The following CDH18 variants were observed in gnomAD, a reference collection of about 807,000 sequenced individuals.
The protein encoded by CDH18 is cadherin-18.
In CDH18, 31 loss-of-function variants were observed where a neutral mutation model predicts 67.9. The ratio of observed to expected loss-of-function variants is 0.46; its 90% CI spans 0.34 to 0.62. The LOEUF is 0.62. Ranked by LOEUF, CDH18 falls within the 20% of genes least tolerant of loss-of-function variation. CDH18 has a pLI of 0.01. For synonymous variants in CDH18, 362 were observed against 347.2 expected (o/e 1.04, Z -0.48); for missense variants, 890 against 975.5 (o/e 0.91, Z 1.17).
intron 4 of CDH18, among the ~76,000 whole-genome samples, chr5:19,730,768 TA>T (rs70950092): frequency 6.8e-5 from 10 of 147,044 alleles, no homozygotes; most frequent in African/African-American, 1.7e-4. Context: ...TATTAAATGG[TA>T]AAAAAAAAAA....
At chr5:20,424,647 G>A (rs1216607743) in intron 1 of CDH18, among the ~76,000 whole-genome samples, 1 of 145,960 alleles carries the variant, frequency 6.9e-6, no homozygotes, top group Non-Finnish European at 1.5e-5. Flanking sequence ...TATCCAGGAG[G>A]CTGAAGCAAG....
At chr5:20,213,879 A>C (rs1113767) in intron 2 of CDH18, among the ~76,000 whole-genome samples, 105,738 of 151,912 alleles carry the variant, frequency 0.7, 37,441 homozygotes, top group African/African-American at 0.84. Context: ...TCTCAGTCTC[A>C]TTTAGTTTAG....
chr5:19,593,721 T>C lies in CDH18; in HGVS notation c.812-2477A>G, dbSNP rs1297010460. On this transcript the variant is annotated intron_variant, in intron 6 of 12. Coordinates refer to ENST00000382275, the MANE Select transcript of CDH18 (RefSeq NM_004934.5). ...TTCCTCCTCCTCCTTCTTCTTCTTC[T>C]TCTTCTTCTTCTTCTTCTTCTTCTT... Among the ~76,000 whole-genome samples the C allele has an allele frequency of 1.1e-4, 12 of 111,964 alleles. 1 individual carries two copies. The highest frequency in any genetic ancestry group is 2.5e-4 in the African/African-American group (6 of 24,062). The allele number at this position is 111,964 out of a possible 152,430, so 73.5% of individuals were successfully genotyped here.
chr5:20,156,047 T>TG (rs1291290303), intron 2 of CDH18, among the ~76,000 whole-genome samples: 1 of 152,042 alleles, frequency 6.6e-6, no homozygotes, highest in African/African-American at 2.4e-5. Context: ...ACCTCACCCC[T>TG]GTCAGAATGG....
chr5:19,850,431 T>C (rs1378099280), intron 2 of CDH18, among the ~76,000 whole-genome samples: 2 of 151,908 alleles, frequency 1.3e-5, no homozygotes, highest in Non-Finnish European at 2.9e-5. Context: ...TTCTACCACA[T>C]TATCATTATC....
chr5:19,681,100 T>A (rs1205657840), intron 5 of CDH18, among the ~76,000 whole-genome samples: 1 of 151,994 alleles, frequency 6.6e-6, no homozygotes, highest in Non-Finnish European at 1.5e-5. Flanking sequence ...AACAAGATCA[T>A]GTTCTTTGCA....
At chr5:20,459,261 G>A (rs1751073041) in intron 1 of CDH18, among the ~76,000 whole-genome samples, 2 of 152,086 alleles carry the variant, frequency 1.3e-5, no homozygotes, top group South Asian at 4.1e-4. Context: ...CTATACCACA[G>A]GTTTTTCAGT....
intron 1 of CDH18, among the ~76,000 whole-genome samples, chr5:20,283,085 AC>A (rs1415093996): frequency 6.6e-6 from 1 of 151,898 alleles, no homozygotes; most frequent in African/African-American, 2.4e-5. Context: ...GTCAAACTAG[AC>A]CCCTGCTTCT....
chr5:19,985,033 T>A (rs910974391), intron 1 of CDH18, among the ~76,000 whole-genome samples: 1 of 152,276 alleles, frequency 6.6e-6, no homozygotes, highest in African/African-American at 2.4e-5. Flanking sequence ...TTTATTTATT[T>A]ATTATTTATA....
At chr5:20,499,680 C>T (rs1581113203) in intron 1 of CDH18, among the ~76,000 whole-genome samples, 1 of 152,098 alleles carries the variant, frequency 6.6e-6, no homozygotes, top group African/African-American at 2.4e-5. Flanking sequence ...CTTAGCTTTG[C>T]CTTATCAACA....
chr5:19,620,694 CT>C (rs201094800), intron 5 of CDH18, among the ~76,000 whole-genome samples: 3 of 151,784 alleles, frequency 2.0e-5, no homozygotes, highest in Admixed American at 2.0e-4. Flanking sequence ...ACTTAGAATG[CT>C]TTTTTTTATT....
intron 1 of CDH18, among the ~76,000 whole-genome samples, chr5:20,521,371 GA>G (rs1393037273): frequency 2.0e-5 from 3 of 152,156 alleles, no homozygotes; most frequent in African/African-American, 7.2e-5. Context: ...AAGTGTTTCA[GA>G]AGAAGAATGA....
intron 3 of CDH18, among the ~76,000 whole-genome samples, chr5:19,802,205 T>C (rs1384600609): frequency 6.6e-6 from 1 of 152,152 alleles, no homozygotes; most frequent in African/African-American, 2.4e-5. Context: ...TCAAATACTA[T>C]AAATGTGTTT....
intron 1 of CDH18, chr5:20,304,183 G>C (rs1006830025): frequency 6.6e-7 from 1 of 1,521,684 alleles, no homozygotes; most frequent in Non-Finnish European, 9.1e-7. Flanking sequence ...CAATAAAAAC[G>C]TTATTTTTCC....
intron 1 of CDH18, among the ~76,000 whole-genome samples, chr5:20,467,959 T>G (rs1751762523): frequency 6.6e-6 from 1 of 151,566 alleles, no homozygotes; most frequent in Non-Finnish European, 1.5e-5. Context: ...CCTTTGTTAT[T>G]ATTATTCTAT....
chr5:20,250,766 C>T (rs2126594397), intron 2 of CDH18, among the ~76,000 whole-genome samples: 1 of 151,922 alleles, frequency 6.6e-6, no homozygotes, highest in South Asian at 2.1e-4. Flanking sequence ...CCACCACACC[C>T]AGATAATTTT....
chr5:19,959,907 G>A (rs1019223766), intron 2 of CDH18, among the ~76,000 whole-genome samples: 2 of 152,020 alleles, frequency 1.3e-5, no homozygotes, highest in African/African-American at 2.4e-5. Context: ...TAATACAACG[G>A]TAAATATTTA....
intron 1 of CDH18, among the ~76,000 whole-genome samples, chr5:20,424,745 TAAAAAAAAAAAAAAAA>T (rs67349001): frequency 1.9e-4 from 8 of 42,912 alleles, no homozygotes; most frequent in Non-Finnish European, 2.6e-4. Flanking sequence ...AGACTCTGTC[TAAAAAAAAAAAAAAAA>T]AAAAAAAAAA....
chr5:20,055,045 T>TG (rs1429266784), intron 2 of CDH18, among the ~76,000 whole-genome samples: 13 of 152,174 alleles, frequency 8.5e-5, no homozygotes, highest in Non-Finnish European at 4.4e-5. Context: ...TCTATATTTC[T>TG]GTGAAAGACA....
Sources: allele counts gnomAD v4.1 joint callset (sites outside exome capture counted in the v4.1 genomes callset), GRCh38; gene constraint gnomAD v4.1.1; transcripts MANE v1.5; gene names NCBI Gene and HGNC (gene_info 2026-07-23, HGNC 2026-07-21).